The following KCNIP4 variants were observed in gnomAD, a reference collection of about 807,000 sequenced individuals.
KCNIP4 encodes potassium voltage-gated channel interacting protein 4, also known as Kv channel-interacting protein 4.
In KCNIP4, 12 loss-of-function variants were observed where a neutral mutation model predicts 34.0. The ratio of observed to expected loss-of-function variants is 0.35; its 90% CI spans 0.23 to 0.57. KCNIP4 has a LOEUF of 0.57. Among genes scored for constraint, KCNIP4 ranks in the 20% least tolerant of loss-of-function variants. KCNIP4 has a pLI of 0.83. For missense variants in KCNIP4, 238 were observed against 311.7 expected (o/e 0.76, Z 1.78); for synonymous variants, 124 against 102.2 (o/e 1.21, Z -1.29).
Position 21,519,498 on chromosome 4 carries a change from A to G in KCNIP4, c.61+429073T>C, listed in dbSNP as rs9761571. On this transcript the variant is annotated intron_variant, in intron 1 of 8. Transcript: ENST00000382152. ...TATGTGTATATACACATATGTGTGT[A>G]TGTGTATGTGTATATACACATATGT... Among the ~76,000 whole-genome samples, 282 of 112,388 alleles carry G rather than the reference A, an allele frequency of 2.5e-3. 29 individuals carry two copies. Among genetic ancestry groups the G allele is most frequent in the African/African-American group, 8.2e-3 (235 of 28,808 alleles). The allele number at this position is 112,388 out of a possible 152,430, so 73.7% of individuals were successfully genotyped here. A position where few individuals can be genotyped will look rare whatever the true frequency, so the allele number is the denominator to read the frequency against.
At chr4:21,297,598 C>A (rs900802944) in intron 1 of KCNIP4, among the ~76,000 whole-genome samples, 1 of 152,170 alleles carries the variant, frequency 6.6e-6, no homozygotes, top group African/African-American at 2.4e-5. Context: ...TAGTTCATTT[C>A]GTCTCTCTGG....
intron 1 of KCNIP4, among the ~76,000 whole-genome samples, chr4:21,410,177 T>G (rs563000832): frequency 2.8e-4 from 43 of 150,962 alleles, no homozygotes; most frequent in African/African-American, 1.1e-3. Flanking sequence ...AATTCAAAAG[T>G]GTTCTACCTA....
intron 1 of KCNIP4, among the ~76,000 whole-genome samples, chr4:20,948,226 G>T (rs1732398514): frequency 6.6e-6 from 1 of 152,188 alleles, no homozygotes; most frequent in Admixed American, 6.5e-5. Flanking sequence ...TAAGAAACAG[G>T]TAGTAAGTGA....
At chr4:20,974,814 T>C (rs1370714076) in intron 1 of KCNIP4, among the ~76,000 whole-genome samples, 1 of 152,196 alleles carries the variant, frequency 6.6e-6, no homozygotes, top group Non-Finnish European at 1.5e-5. Flanking sequence ...CTAGTACAGT[T>C]CTTGGTACAC....
At chr4:20,919,253 C>T (rs1224344234) in intron 1 of KCNIP4, among the ~76,000 whole-genome samples, 1 of 152,046 alleles carries the variant, frequency 6.6e-6, no homozygotes, top group African/African-American at 2.4e-5. Flanking sequence ...CTCATGTTCT[C>T]ATTTGCATTC....
intron 3 of KCNIP4, among the ~76,000 whole-genome samples, chr4:20,801,288 CA>C (rs34342812): frequency 1.5e-3 from 162 of 106,302 alleles, no homozygotes; most frequent in Middle Eastern, 6.1e-3. Context: ...GGAAGTTTTT[CA>C]AAAAAAAAAA....
At chr4:21,791,240 A>C (rs1195456061) in intron 1 of KCNIP4, among the ~76,000 whole-genome samples, 1 of 152,120 alleles carries the variant, frequency 6.6e-6, no homozygotes, top group Non-Finnish European at 1.5e-5. Flanking sequence ...GAATGGGGCA[A>C]GCGAGCTCTG....
At chr4:21,616,596 C>G (rs375900635) in intron 1 of KCNIP4, among the ~76,000 whole-genome samples, 3 of 152,118 alleles carry the variant, frequency 2.0e-5, no homozygotes, top group Admixed American at 2.0e-4. Flanking sequence ...CAGGACCAAA[C>G]TTTCTCTGAA....
intron 1 of KCNIP4, among the ~76,000 whole-genome samples, chr4:21,070,419 A>G (rs1200980214): frequency 6.6e-6 from 1 of 151,582 alleles, no homozygotes; most frequent in Non-Finnish European, 1.5e-5. Context: ...AACTAGTTTA[A>G]CTAGTTTTTT....
intron 1 of KCNIP4, among the ~76,000 whole-genome samples, chr4:20,921,283 G>A (rs1729369519): frequency 6.6e-6 from 1 of 152,262 alleles, no homozygotes; most frequent in South Asian, 2.1e-4. Context: ...GTGAGAGCGT[G>A]GAGGATGAGA....
intron 1 of KCNIP4, among the ~76,000 whole-genome samples, chr4:21,402,367 C>CTCT (rs942896443): frequency 6.6e-4 from 100 of 152,304 alleles, no homozygotes; most frequent in African/African-American, 2.4e-3. Context: ...AATACTTTGT[C>CTCT]TCTTCATATT....
intron 1 of KCNIP4, among the ~76,000 whole-genome samples, chr4:21,694,913 CCAAA>C (rs2109051284): frequency 1.3e-5 from 1 of 74,482 alleles, no homozygotes; most frequent in African/African-American, 6.1e-5. Flanking sequence ...ACACGATTGA[CCAAA>C]AAAAAAAAAA....
intron 1 of KCNIP4, among the ~76,000 whole-genome samples, chr4:21,153,632 C>T (rs1752929525): frequency 1.3e-5 from 2 of 151,548 alleles, no homozygotes; most frequent in South Asian, 4.2e-4. Context: ...GTCTGGACAA[C>T]AACATGCAAA....
chr4:21,914,674 C>T (rs1259736970), intron 1 of KCNIP4, among the ~76,000 whole-genome samples: 1 of 152,184 alleles, frequency 6.6e-6, no homozygotes, highest in East Asian at 1.9e-4. Flanking sequence ...TCCTCTCTTG[C>T]AAATCATCTT....
At chr4:20,982,673 T>C (rs970923649) in intron 1 of KCNIP4, among the ~76,000 whole-genome samples, 1 of 152,220 alleles carries the variant, frequency 6.6e-6, no homozygotes, top group Admixed American at 6.6e-5. Context: ...ATAAAAGGAC[T>C]TTCTGAAGAT....
chr4:21,800,347 C>A lies in KCNIP4; in HGVS notation c.61+148224G>T, dbSNP rs189793118. On this transcript the variant is annotated intron_variant, in intron 1 of 8. Transcript: ENST00000382152. The stretch of plus-strand genomic sequence containing the variant: ...AGACTTGCTATAATTCATTGTTTTA[C>A]ATTTGCTTTCTTATTAGATTTGGTT... 3.5e-3 allele frequency among the ~76,000 whole-genome samples: 540 copies of A among 152,244 alleles called. 3 individuals carry two copies. Among genetic ancestry groups the A allele is most frequent in the African/African-American group, 0.011 (459 of 41,562 alleles).
intron 1 of KCNIP4, among the ~76,000 whole-genome samples, chr4:21,500,277 A>T (rs1407943589): frequency 6.6e-6 from 1 of 152,124 alleles, no homozygotes; most frequent in Non-Finnish European, 1.5e-5. Context: ...AGACAATTTC[A>T]CTTAACTTTT....
intron 1 of KCNIP4, among the ~76,000 whole-genome samples, chr4:21,556,463 T>C (rs777099045): frequency 7.9e-5 from 12 of 152,180 alleles, no homozygotes; most frequent in Non-Finnish European, 1.3e-4. Context: ...AAACCAAATT[T>C]ATGAGAGTGA....
intron 1 of KCNIP4, among the ~76,000 whole-genome samples, chr4:21,146,376 C>T (rs1340338060): frequency 2.6e-5 from 4 of 151,206 alleles, no homozygotes; most frequent in Non-Finnish European, 5.9e-5. Flanking sequence ...CCAGCCTGGG[C>T]GACAGAGCGA....
Sources: allele counts gnomAD v4.1 joint callset (sites outside exome capture counted in the v4.1 genomes callset), GRCh38; gene constraint gnomAD v4.1.1; transcripts MANE v1.5; gene names NCBI Gene and HGNC (gene_info 2026-07-23, HGNC 2026-07-21).